Variants in NCKAP5 observed in about 807,000 individuals in gnomAD.
NCKAP5 encodes the protein NCK associated protein 5.
NCKAP5 carries 92 observed loss-of-function variants against 167.0 expected under a neutral mutation model. That is an observed-to-expected ratio of 0.55 (90% confidence interval 0.47 to 0.66). The LOEUF is 0.66. Ranked by LOEUF, NCKAP5 falls within the 30% of genes least tolerant of loss-of-function variation. The pLI is 0.00. For missense variants in NCKAP5, 2,378 were observed against 2,315.0 expected (o/e 1.03, Z -0.56); for synonymous variants, 891 against 877.4 (o/e 1.02, Z -0.27).
intron 10 of NCKAP5, among the ~76,000 whole-genome samples, chr2:132,866,541 T>C (rs913108210): frequency 4.6e-5 from 7 of 152,182 alleles, no homozygotes; most frequent in African/African-American, 1.7e-4. Context: ...GAACAGAAAC[T>C]GCTAAGTTCA....
chr2:133,538,161 C>G (rs1685903310), intron 2 of NCKAP5, among the ~76,000 whole-genome samples: 1 of 152,148 alleles, frequency 6.6e-6, no homozygotes, highest in Admixed American at 6.5e-5. Flanking sequence ...CATGCAAACC[C>G]TTTTGAAGGC....
Position 133,535,744 on chromosome 2 carries a change from T to C in NCKAP5, c.-61-18157A>G, listed in dbSNP as rs768659505. 1.1e-4 allele frequency among the ~76,000 whole-genome samples: 16 copies of C among 152,214 alleles called. 1 individual carries two copies. Among genetic ancestry groups the C allele is most frequent in the Non-Finnish European group, 1.8e-4 (12 of 68,016 alleles). ...GTTTTCCATAGAGGTTGTACTAATTTTCATTCCCACCAACAGTGTAAAATA... is the reference window on the plus strand; with the variant it reads ...GTTTTCCATAGAGGTTGTACTAATTCTCATTCCCACCAACAGTGTAAAATA... On this transcript the variant is annotated intron_variant, in intron 2 of 19. Transcript: ENST00000409261.
chr2:133,394,172 T>C (rs1344542305), intron 3 of NCKAP5, among the ~76,000 whole-genome samples: 2 of 152,242 alleles, frequency 1.3e-5, no homozygotes, highest in African/African-American at 4.8e-5. Flanking sequence ...CATTCACTCT[T>C]TCAACACATA....
At chr2:132,791,620 C>T (rs1276021535) in intron 12 of NCKAP5, among the ~76,000 whole-genome samples, 1 of 152,118 alleles carries the variant, frequency 6.6e-6, no homozygotes, top group African/African-American at 2.4e-5. Context: ...GATGGTAAGC[C>T]ATCTGTCTTT....
the NCKAP5 span, among the ~76,000 whole-genome samples, chr2:133,655,638 C>G: frequency 2.6e-5 from 4 of 152,168 alleles, no homozygotes; most frequent in Non-Finnish European, 5.9e-5. Flanking sequence ...AATCTGACCT[C>G]AAAGGGTACT....
chr2:133,021,435 T>C (rs530482380), intron 6 of NCKAP5, among the ~76,000 whole-genome samples: 1 of 152,318 alleles, frequency 6.6e-6, no homozygotes, highest in East Asian at 1.9e-4. Context: ...GAATATATGT[T>C]AGAATGCTTA....
intron 12 of NCKAP5, among the ~76,000 whole-genome samples, chr2:132,792,405 G>T (rs1320158009): frequency 1.3e-5 from 2 of 152,186 alleles, no homozygotes; most frequent in Non-Finnish European, 2.9e-5. Flanking sequence ...ACAACAAATG[G>T]TTGTGTCGCA....
intron 8 of NCKAP5, among the ~76,000 whole-genome samples, chr2:132,895,142 T>TA (rs947620919): frequency 3.6e-4 from 54 of 151,970 alleles, no homozygotes; most frequent in Non-Finnish European, 6.0e-4. Context: ...CCTTCCTGGC[T>TA]AACACGGTGA....
chr2:132,926,420 T>C (rs1015715248), intron 8 of NCKAP5, among the ~76,000 whole-genome samples: 4 of 152,212 alleles, frequency 2.6e-5, no homozygotes, highest in Non-Finnish European at 5.9e-5. Flanking sequence ...ATGGTAGTTC[T>C]ACTTTTAGTT....
chr2:133,333,122 C>T (rs1262148543), intron 3 of NCKAP5, among the ~76,000 whole-genome samples: 1 of 152,158 alleles, frequency 6.6e-6, no homozygotes, highest in Non-Finnish European at 1.5e-5. Context: ...AATACAAAGC[C>T]TCCACAAATT....
chr2:133,398,978 G>C (rs1687926122), intron 3 of NCKAP5, among the ~76,000 whole-genome samples: 1 of 152,170 alleles, frequency 6.6e-6, no homozygotes, highest in Admixed American at 6.5e-5. Flanking sequence ...ACAGATAATG[G>C]TGGAAAGCAA....
chr2:133,012,692 C>T (rs1365454841), intron 6 of NCKAP5, among the ~76,000 whole-genome samples: 1 of 152,150 alleles, frequency 6.6e-6, no homozygotes, highest in Non-Finnish European at 1.5e-5. Context: ...CTTCTCCTTC[C>T]TATCTCAGTT....
chr2:132,824,866 A>G (rs1325555665), intron 11 of NCKAP5, among the ~76,000 whole-genome samples: 2 of 152,234 alleles, frequency 1.3e-5, no homozygotes, highest in Non-Finnish European at 2.9e-5. Context: ...AGCAAGACTG[A>G]TGACTCATAA....
At chr2:133,487,773 C>T (rs927577269) in intron 3 of NCKAP5, among the ~76,000 whole-genome samples, 20 of 152,152 alleles carry the variant, frequency 1.3e-4, no homozygotes, top group African/African-American at 4.8e-4. Context: ...TGGTCTTACC[C>T]ACCCCAGGCT....
chr2:133,583,508 C>T, the NCKAP5 span, among the ~76,000 whole-genome samples: 2 of 152,136 alleles, frequency 1.3e-5, no homozygotes, highest in African/African-American at 2.4e-5. Context: ...GCCAATTAAA[C>T]GTCTTTTCTT....
the NCKAP5 span, among the ~76,000 whole-genome samples, chr2:133,609,163 G>C: frequency 2.0e-5 from 3 of 152,122 alleles, no homozygotes; most frequent in Non-Finnish European, 4.4e-5. Context: ...ACAGCAGTTT[G>C]TGTGTATTTT....
the NCKAP5 span, among the ~76,000 whole-genome samples, chr2:133,621,098 A>G: frequency 6.6e-6 from 1 of 152,168 alleles, no homozygotes; most frequent in Admixed American, 6.6e-5. Flanking sequence ...CAATCTATCA[A>G]AATTTCTCGG....
chr2:133,155,417 G>A (rs1246725193), intron 5 of NCKAP5, among the ~76,000 whole-genome samples: 3 of 152,160 alleles, frequency 2.0e-5, no homozygotes, highest in Non-Finnish European at 4.4e-5. Context: ...CCTGGGTGAT[G>A]CGGATGCTGG....
intron 6 of NCKAP5, among the ~76,000 whole-genome samples, chr2:133,046,537 C>A (rs918934071): frequency 6.6e-6 from 1 of 152,008 alleles, no homozygotes; most frequent in African/African-American, 2.4e-5. Context: ...TGCCACCATG[C>A]CTGGTTAATT....
Sources: gnomAD v4.1 joint callset for allele counts (sites outside exome capture counted in the v4.1 genomes callset) on GRCh38, gnomAD v4.1.1 for gene constraint, MANE v1.5 for transcripts, NCBI Gene and HGNC (gene_info 2026-07-23, HGNC 2026-07-21) for gene names.